Variants in NFIB observed in about 807,000 individuals in gnomAD.
NFIB encodes the protein nuclear factor 1 B-type.
NFIB carries 11 observed loss-of-function variants against 61.5 expected under a neutral mutation model. That is an observed-to-expected ratio of 0.18 (90% confidence interval 0.11 to 0.30). The LOEUF (loss-of-function observed/expected upper bound fraction) is 0.30, where lower values mean the gene tolerates loss of function less well. Among genes scored for constraint, NFIB ranks in the 10% least tolerant of loss-of-function variants. NFIB has a pLI of 1.00. For missense variants in NFIB, 471 were observed against 608.9 expected, an observed-to-expected ratio of 0.77 and a Z score of 2.38; for synonymous variants, 260 against 216.5, an observed-to-expected ratio of 1.20 and a Z score of -1.76.
In NFIB at chr9:14,385,654, T is replaced by C. The variant is rs372109878; in HGVS notation, c.108+12870A>G. 3.9e-5 allele frequency among the ~76,000 whole-genome samples: 6 copies of C among 152,214 alleles called. No individual in the cohort carries two copies. The East Asian group carries it at 9.6e-4, about 24-fold the overall frequency. Reference sequence around the variant, plus strand: ...ACAGTTAACATTTAGGTATACAGCCTTCTTGCCATTTTTCTGAGCATGAGC... The same window carrying C: ...ACAGTTAACATTTAGGTATACAGCCCTCTTGCCATTTTTCTGAGCATGAGC... On this transcript the variant is annotated intron_variant, in intron 1 of 8. Transcript: ENST00000380934.
At chr9:14,389,943 T>A (rs760361502) in intron 1 of NFIB, among the ~76,000 whole-genome samples, 72 of 152,200 alleles carry the variant, frequency 4.7e-4, no homozygotes, top group Non-Finnish European at 9.0e-4. Flanking sequence ...TTCCATTAGA[T>A]TTCTCAAAAC....
At chr9:14,495,446 C>CTTTTTTT in the NFIB span, among the ~76,000 whole-genome samples, 269 of 117,222 alleles carry the variant, frequency 2.3e-3, 32 homozygotes, top group African/African-American at 9.1e-3. Context: ...GAGAAATGAA[C>CTTTTTTT]TTTTTTTTTT....
chr9:14,111,196 TA>T (rs1376739284), intron 10 of NFIB, among the ~76,000 whole-genome samples: 3 of 152,182 alleles, frequency 2.0e-5, no homozygotes, highest in Non-Finnish European at 4.4e-5. Context: ...TTAAAATTCA[TA>T]TTTTCATGAT....
chr9:14,272,951 A>C (rs1343686543), intron 2 of NFIB, among the ~76,000 whole-genome samples: 2 of 152,172 alleles, frequency 1.3e-5, no homozygotes, highest in South Asian at 4.1e-4. Flanking sequence ...TAAACATAAC[A>C]ATGGCAATCC....
chr9:14,459,292 G>A, the NFIB span, among the ~76,000 whole-genome samples: 1 of 152,182 alleles, frequency 6.6e-6, no homozygotes, highest in Non-Finnish European at 1.5e-5. Flanking sequence ...CGTAAATGGT[G>A]CTGGGAAAAC....
intron 2 of NFIB, among the ~76,000 whole-genome samples, chr9:14,267,871 G>A (rs1372824202): frequency 3.3e-5 from 5 of 152,136 alleles, no homozygotes; most frequent in Admixed American, 2.6e-4. Flanking sequence ...AGTGGCTCAC[G>A]CCTGTAATCC....
chr9:14,523,754 G>A, the NFIB span, among the ~76,000 whole-genome samples: 10 of 152,108 alleles, frequency 6.6e-5, no homozygotes, highest in African/African-American at 2.2e-4. Flanking sequence ...AAAGAATTGC[G>A]ACAGTTAGAG....
At chr9:14,127,080 T>C (rs755845700) in intron 6 of NFIB, among the ~76,000 whole-genome samples, 1 of 151,686 alleles carries the variant, frequency 6.6e-6, no homozygotes, top group Non-Finnish European at 1.5e-5. Flanking sequence ...TGCCAAAAGA[T>C]AGATCATGAG....
chr9:14,336,893 C>T (rs931659183), intron 1 of NFIB, among the ~76,000 whole-genome samples: 1 of 152,166 alleles, frequency 6.6e-6, no homozygotes, highest in Non-Finnish European at 1.5e-5. Context: ...GTCACAACTA[C>T]TCAACTCTGC....
At chr9:14,317,530 T>A (rs1223036758), upstream of NFIB, among the ~76,000 whole-genome samples, 1 of 151,986 alleles carries the variant, frequency 6.6e-6, no homozygotes, top group East Asian at 1.9e-4. Context: ...GAGATAGGAG[T>A]ATGGTGAGGC....
At chr9:14,209,175 G>T (rs1003164956) in intron 2 of NFIB, among the ~76,000 whole-genome samples, 2 of 152,148 alleles carry the variant, frequency 1.3e-5, no homozygotes, top group Non-Finnish European at 2.9e-5. Context: ...CTGACATGGA[G>T]ATATTTTTAA....
intron 3 of NFIB, among the ~76,000 whole-genome samples, chr9:14,166,415 A>AAGTAT (rs1353829752): frequency 6.6e-6 from 1 of 152,180 alleles, no homozygotes; most frequent in Non-Finnish European, 1.5e-5. Context: ...TCACAATTTC[A>AAGTAT]AGTATTCTCC....
rs991913841 is a variant in NFIB, at chr9:14,082,996, T to C, written c.*5313A>G. The C allele has an allele frequency of 4.8e-6, 1 of 206,706 alleles. No individual in the cohort carries two copies. Among genetic ancestry groups the C allele is most frequent in the Non-Finnish European group, 9.9e-6 (1 of 101,350 alleles). The allele number at this position is 206,706 out of a possible 1,614,324, so 12.8% of individuals were successfully genotyped here. On this transcript the variant is annotated 3_prime_UTR_variant, in exon 11 of 11. Transcript: ENST00000380953. ...TCAAGGGCTTAGTCTAGTGTACCGG[T>C]AAGCTAGTGGCACTGAAGCGCTTTT...
At chr9:14,352,222 C>A (rs916115585) in intron 1 of NFIB, among the ~76,000 whole-genome samples, 7 of 151,916 alleles carry the variant, frequency 4.6e-5, no homozygotes, top group African/African-American at 1.7e-4. Flanking sequence ...GTAAAAGTCT[C>A]CTACCCTGCT....
chr9:14,313,768 T>G lies in NFIB; in HGVS notation c.-257A>C, dbSNP rs1304378751. 7.5e-7 allele frequency: 1 copy of G among 1,340,646 alleles called. No individual in the cohort carries two copies. Among genetic ancestry groups the G allele is most frequent in the Non-Finnish European group, 9.6e-7 (1 of 1,045,840 alleles). The allele number at this position is 1,340,646 out of a possible 1,614,324, so 83.0% of individuals were successfully genotyped here. On this transcript the variant is annotated 5_prime_UTR_variant, in exon 1 of 11. Coordinates refer to ENST00000380953, the MANE Select transcript of NFIB (RefSeq NM_001190737.2). The surrounding 1 kb of genome is among the most constrained non-coding windows in gnomAD (Gnocchi z 4.5). ...TAACCCTCTTGCAGTCCGAGCGCGC[T>G]GGCCGTGCTTGCCGAGGCCGCCGCC...
chr9:14,391,646 C>T (rs1322499074), intron 1 of NFIB, among the ~76,000 whole-genome samples: 1 of 152,114 alleles, frequency 6.6e-6, no homozygotes, highest in East Asian at 1.9e-4. Context: ...TCAGTAAACA[C>T]ACTGTGCATG....
chr9:14,315,516 C>A (rs938785339), upstream of NFIB, among the ~76,000 whole-genome samples: 1 of 142,882 alleles, frequency 7.0e-6, no homozygotes, highest in Non-Finnish European at 1.6e-5. Flanking sequence ...GCAGGCGGGG[C>A]GGGGCCGCGG....
chr9:14,312,101 T>G (rs569281806), intron 1 of NFIB, among the ~76,000 whole-genome samples: 2 of 152,344 alleles, frequency 1.3e-5, no homozygotes, highest in African/African-American at 4.8e-5. Context: ...CATATCTAAG[T>G]TAATCATACT....
the NFIB span, among the ~76,000 whole-genome samples, chr9:14,510,799 CT>C: frequency 3.3e-5 from 5 of 152,060 alleles, no homozygotes; most frequent in African/African-American, 9.7e-5. Flanking sequence ...TGGTGTACAC[CT>C]TTTCAGCCTT....
Sources: allele counts gnomAD v4.1 joint callset (sites outside exome capture counted in the v4.1 genomes callset), GRCh38; gene constraint gnomAD v4.1.1; non-coding constraint Gnocchi (gnomAD v3.1); transcripts MANE v1.5; gene names NCBI Gene and HGNC (gene_info 2026-07-23, HGNC 2026-07-21).